The following POMT2 variants were observed in gnomAD, a reference collection of about 807,000 sequenced individuals.
POMT2 encodes protein O-mannosyltransferase 2.
In POMT2, 75 loss-of-function variants were observed where a neutral mutation model predicts 100.0. That is an observed-to-expected ratio of 0.75 (90% CI 0.62 to 0.91). The LOEUF (loss-of-function observed/expected upper bound fraction) is 0.91. Among genes scored for constraint, POMT2 ranks in the 40% least tolerant of loss-of-function variants. The pLI, the probability that POMT2 is intolerant of heterozygous loss-of-function variation, is 0.00. For missense variants in POMT2, 940 were observed against 955.1 expected, an observed-to-expected ratio of 0.98 and a Z score of 0.21; for synonymous variants, 378 against 374.1, an observed-to-expected ratio of 1.01 and a Z score of -0.12.
At position 77,306,178 on chromosome 14, in the gene POMT2, T is replaced by A. The variant is rs79436695; in HGVS notation, c.438+159A>T. On this transcript the variant is annotated intron_variant, in intron 3 of 20. Coordinates refer to ENST00000261534, the MANE Select transcript of POMT2 (RefSeq NM_013382.7). ...TTCTTCCTCACCTCAGTTCTGAGTA[T>A]CTACACCACAGGGGAGGGTCTGATC... 5.5e-3 allele frequency: 7,073 copies of A among 1,280,154 alleles called. 318 individuals are homozygous for A. In the African/African-American group the frequency reaches 0.091, roughly 16 times the overall value. The allele number at this position is 1,280,154 out of a possible 1,614,324, so 79.3% of individuals were successfully genotyped here. A position where few individuals can be genotyped will look rare whatever the true frequency, so the allele number is the denominator to read the frequency against.
At chr14:77,279,672 G>C (rs1429370677) in intron 18 of POMT2, 151 bp downstream of exon 18, 2 of 781,240 alleles carry the variant, frequency 2.6e-6, no homozygotes, top group South Asian at 2.9e-5. Context: ...CTGGGTACTT[G>C]GGGGTTGTTA....
intron 5 of POMT2, among the ~76,000 whole-genome samples, chr14:77,302,596 C>T (rs1271257693): frequency 6.6e-6 from 1 of 152,190 alleles, no homozygotes; most frequent in Non-Finnish European, 1.5e-5. Context: ...AAAAAGACAA[C>T]TGACATTTTC....
In POMT2 at chr14:77,277,059, G is replaced by A. The variant is rs1889987650; in HGVS notation, c.*317C>T. ...CACGGTCTGTATTCCACAGGGATAT[G>A]GACAACATGCCCTCACATACACACA... On this transcript the variant is annotated 3_prime_UTR_variant, in exon 21 of 21. Coordinates refer to ENST00000261534, the MANE Select transcript of POMT2 (RefSeq NM_013382.7). 4.9e-6 allele frequency: 2 copies of A among 408,672 alleles called. No homozygotes were observed. The highest frequency in any genetic ancestry group is 9.2e-6 in the Non-Finnish European group (2 of 217,272). The allele number at this position is 408,672 out of a possible 1,614,324, so 25.3% of individuals were successfully genotyped here.
At chr14:77,287,169 G>C (rs1359464093) in intron 11 of POMT2, 3 of 332,940 alleles carry the variant, frequency 9.0e-6, no homozygotes, top group African/African-American at 4.3e-5. Flanking sequence ...GGTTTGAGGA[G>C]AGGAAAAATT....
intron 5 of POMT2, 112 bp downstream of exon 5, chr14:77,302,722 TA>T (rs1891087633): frequency 2.5e-6 from 2 of 810,142 alleles, no homozygotes; most frequent in African/African-American, 1.7e-5. Context: ...ATGCTTGCCT[TA>T]AAATCAGCTT....
Position 77,320,583 on chromosome 14 carries a change from C to T in POMT2, c.99G>A (p.Val33=), listed in dbSNP as rs778579619. ...GGCTTCGCGCCACAGCCTCAGCGGC[C>T]ACGTCCCGGCCTGCGGCCCTAGCAG... ...PQAARAAGRD[V]AAEAVARSPK... The change falls in exon 1 of 21, where the codon GTG becomes GTA. Residue 33 remains valine, a synonymous_variant. Coordinates refer to ENST00000261534, the MANE Select transcript of POMT2 (RefSeq NM_013382.7). The T allele has an allele frequency of 1.3e-6, 2 of 1,578,072 alleles. No individual in the cohort carries two copies. The highest frequency in any genetic ancestry group is 1.7e-6 in the Non-Finnish European group (2 of 1,169,382).
chr14:77,277,167 G>A lies in POMT2; in HGVS notation c.*209C>T, dbSNP rs755511619. 105 of 592,564 alleles carry A rather than the reference G, an allele frequency of 1.8e-4. No homozygotes were observed. Among genetic ancestry groups the A allele is most frequent in the Non-Finnish European group, 2.6e-4 (84 of 326,786 alleles). 36.7% of individuals were successfully genotyped at this position (592,564 alleles called of 1,614,324 possible). ...CAGCCCAAGAGGCGCTGTCCTCTCC[G>A]TGGTGCTGTGGACGGAGCTGCGGCT... On this transcript the variant is annotated 3_prime_UTR_variant, in exon 21 of 21. Transcript: ENST00000261534.
chr14:77,304,277 G>T (rs1483318563), intron 4 of POMT2, among the ~76,000 whole-genome samples: 2 of 152,180 alleles, frequency 1.3e-5, no homozygotes, highest in Non-Finnish European at 2.9e-5. Context: ...TTGCCACCCA[G>T]CTACTTCTGC....
At chr14:77,279,138 C>T (rs555540872) in intron 18 of POMT2, 23 of 535,840 alleles carry the variant, frequency 4.3e-5, no homozygotes, top group East Asian at 2.1e-4. Flanking sequence ...AACCCTTCTG[C>T]GCCTGCAGAC....
At position 77,280,053 on chromosome 14, in the gene POMT2, T is replaced by C. The variant is rs559776913; in HGVS notation, c.1753A>G (p.Thr585Ala). 6 of 1,613,834 alleles carry C rather than the reference T, an allele frequency of 3.7e-6. No individual in the cohort carries two copies. The highest frequency in any genetic ancestry group is 1.7e-6 in the Non-Finnish European group (2 of 1,179,986). ...CCAAGCAGATAGACTCGGAAATCTGTGTCATTGACCCCTGAGAAGCGTAGG... is the reference window on the plus strand; with the variant it reads ...CCAAGCAGATAGACTCGGAAATCTGCGTCATTGACCCCTGAGAAGCGTAGG... ...QGLRFSGVND[T>A]DFRVYLLGNP... The change falls in exon 17 of 21, where the codon ACA becomes GCA. Residue 585 changes from threonine (T) to alanine (A), a missense_variant. Transcript: ENST00000261534.
intron 3 of POMT2, among the ~76,000 whole-genome samples, chr14:77,305,283 C>T (rs1891184944): frequency 6.6e-6 from 1 of 152,212 alleles, no homozygotes; most frequent in Admixed American, 6.5e-5. Context: ...TTAATCTACA[C>T]AATGTATGTA....
intron 1 of POMT2, among the ~76,000 whole-genome samples, chr14:77,316,200 C>T (rs1021861286): frequency 6.6e-5 from 10 of 152,144 alleles, no homozygotes; most frequent in Non-Finnish European, 1.3e-4. Context: ...CCTCAGGACT[C>T]CCTGGCCTAG....
At chr14:77,315,350 A>C (rs1002396578) in intron 1 of POMT2, among the ~76,000 whole-genome samples, 1 of 151,918 alleles carries the variant, frequency 6.6e-6, no homozygotes, top group African/African-American at 2.4e-5. Context: ...GCACCGCCAC[A>C]CTCTCCGACT....
Position 77,288,747 on chromosome 14 carries a change from T to G in POMT2, c.1253+15A>C. 6.2e-7 allele frequency: 1 copy of G among 1,611,476 alleles called. No homozygotes were observed. The highest frequency in any genetic ancestry group is 2.2e-5 in the East Asian group (1 of 44,840). ...GCCCGTACCATTTATTTATCCAAACTGCAAATTGACTTACTCTTTGTGTTC... is the reference window on the plus strand; with the variant it reads ...GCCCGTACCATTTATTTATCCAAACGGCAAATTGACTTACTCTTTGTGTTC... On this transcript the variant is annotated intron_variant, in intron 11 of 20. Transcript: ENST00000261534.
intron 15 of POMT2, among the ~76,000 whole-genome samples, chr14:77,282,450 T>C (rs1362721158): frequency 1.3e-5 from 2 of 152,182 alleles, no homozygotes; most frequent in African/African-American, 2.4e-5. Context: ...TTCATCTCTC[T>C]CCCCTCCCTG....
chr14:77,304,017 A>G (rs192808784), intron 4 of POMT2, among the ~76,000 whole-genome samples: 3 of 152,374 alleles, frequency 2.0e-5, no homozygotes, highest in Admixed American at 2.0e-4. Context: ...ATACAAGGAA[A>G]AAGCCACCAG....
At chr14:77,312,753 T>C (rs768770292) in intron 1 of POMT2, 2 of 152,254 alleles carry the variant, frequency 1.3e-5, no homozygotes, top group Non-Finnish European at 2.9e-5. Context: ...TGAGACAACA[T>C]TTGCTATTAG....
At chr14:77,309,653 G>T (rs139007340) in intron 2 of POMT2, among the ~76,000 whole-genome samples, 1 of 152,074 alleles carries the variant, frequency 6.6e-6, no homozygotes, top group Non-Finnish European at 1.5e-5. Context: ...TGTGAGGAAG[G>T]CAAGGCTTTG....
At chr14:77,285,753 C>G (rs1214277987) in intron 12 of POMT2, 121 bp from the exon 13 acceptor site, 5 of 1,185,150 alleles carry the variant, frequency 4.2e-6, no homozygotes, top group Admixed American at 1.7e-5. Context: ...CCAAATTAGG[C>G]TCAATGATAG....
Sources: gnomAD v4.1 joint callset for allele counts (sites outside exome capture counted in the v4.1 genomes callset) on GRCh38, gnomAD v4.1.1 for gene constraint, MANE v1.5 for transcripts, NCBI Gene and HGNC (gene_info 2026-07-23, HGNC 2026-07-21) for gene names.